The following TNFSF8 variants were observed in gnomAD, a reference collection of about 807,000 sequenced individuals.
The protein encoded by TNFSF8 is TNF superfamily member 8.
In TNFSF8, 4 loss-of-function variants were observed where a neutral mutation model predicts 22.0. The observed-to-expected ratio is 0.18, with a 90% CI of 0.09 to 0.42. The LOEUF (loss-of-function observed/expected upper bound fraction) is 0.42. Ranked by LOEUF, TNFSF8 falls within the 10% of genes least tolerant of loss-of-function variation. The pLI, the probability that TNFSF8 is intolerant of heterozygous loss-of-function variation, is 1.00. For synonymous variants in TNFSF8, 106 were observed against 112.5 expected (o/e 0.94, Z 0.37); for missense variants, 233 against 281.8 (o/e 0.83, Z 1.24).
intron 1 of TNFSF8, among the ~76,000 whole-genome samples, chr9:114,927,418 T>C (rs1828077141): frequency 6.6e-6 from 1 of 152,194 alleles, no homozygotes; most frequent in Admixed American, 6.5e-5. Context: ...TTTGTTGATT[T>C]CCCTACACTT....
At chr9:114,928,877 T>A (rs1277204974) in intron 1 of TNFSF8, among the ~76,000 whole-genome samples, 1 of 152,210 alleles carries the variant, frequency 6.6e-6, no homozygotes, top group East Asian at 1.9e-4. Context: ...TATCAAAGCC[T>A]TTTAAAGCCT....
intron 1 of TNFSF8, among the ~76,000 whole-genome samples, chr9:114,922,209 A>T (rs1325657194): frequency 6.6e-6 from 1 of 152,228 alleles, no homozygotes; most frequent in Non-Finnish European, 1.5e-5. Context: ...TTCTTTTCAC[A>T]GAGGAATGAT....
chr9:114,922,003 T>C (rs1363210639), intron 1 of TNFSF8, among the ~76,000 whole-genome samples: 1 of 152,234 alleles, frequency 6.6e-6, no homozygotes, highest in Non-Finnish European at 1.5e-5. Context: ...ATCCCAACCA[T>C]CTTCCTTGCC....
chr9:114,923,950 A>G (rs780323999), intron 1 of TNFSF8, among the ~76,000 whole-genome samples: 3 of 152,228 alleles, frequency 2.0e-5, no homozygotes, highest in Non-Finnish European at 4.4e-5. Flanking sequence ...CTGTGCTACA[A>G]TAAGACGTAT....
At chr9:114,915,847 T>C (rs532617749) in intron 2 of TNFSF8, among the ~76,000 whole-genome samples, 1 of 152,292 alleles carries the variant, frequency 6.6e-6, no homozygotes, top group South Asian at 2.1e-4. Context: ...CTGCAATGTC[T>C]TTTACACCAA....
In TNFSF8 at chr9:114,901,789, C is replaced by T. The variant is rs1587930306; in HGVS notation, c.*2142G>A. The T allele has an allele frequency of 2.0e-6, 2 of 981,864 alleles. No individual in the cohort carries two copies. Among genetic ancestry groups the T allele is most frequent in the South Asian group, 9.4e-5 (2 of 21,212 alleles). 60.8% of individuals were successfully genotyped at this position (981,864 alleles called of 1,614,324 possible). A position where few individuals can be genotyped will look rare whatever the true frequency, so the allele number is the denominator to read the frequency against. On this transcript the variant is annotated 3_prime_UTR_variant, in exon 4 of 4. Transcript: ENST00000223795. ...GAGTTAAAGAGAAATGTAGACTTTA[C>T]TAAATATTTCATAGAGGAGACCTAG...
At chr9:114,925,408 G>C (rs1172651647) in intron 1 of TNFSF8, among the ~76,000 whole-genome samples, 4 of 152,114 alleles carry the variant, frequency 2.6e-5, no homozygotes, top group Non-Finnish European at 5.9e-5. Flanking sequence ...TGGGCTGGGG[G>C]CTCAGATGTT....
At chr9:114,920,827 C>A (rs1043366996) in intron 1 of TNFSF8, among the ~76,000 whole-genome samples, 7 of 152,088 alleles carry the variant, frequency 4.6e-5, no homozygotes, top group African/African-American at 1.7e-4. Flanking sequence ...CACCACCACC[C>A]CCGGCTAATT....
intron 1 of TNFSF8, among the ~76,000 whole-genome samples, chr9:114,924,537 T>A (rs954506921): frequency 6.6e-6 from 1 of 152,302 alleles, no homozygotes; most frequent in Non-Finnish European, 1.5e-5. Flanking sequence ...CTTACTTTCA[T>A]ATCCTTATAT....
intron 1 of TNFSF8, among the ~76,000 whole-genome samples, chr9:114,923,522 C>CTTTCTTTCTTTCTTTCTTTCTTT (rs758823996): frequency 2.2e-5 from 2 of 89,768 alleles, no homozygotes; most frequent in African/African-American, 9.4e-5. Context: ...TTCTTTCTTT[C>CTTTCTTTCTTTCTTTCTTTCTTT]TTTTTTTTTT....
At chr9:114,924,757 C>T (rs894740438) in intron 1 of TNFSF8, among the ~76,000 whole-genome samples, 1 of 152,158 alleles carries the variant, frequency 6.6e-6, no homozygotes, top group Non-Finnish European at 1.5e-5. Flanking sequence ...ATGACTTCTC[C>T]TTTGCTCTGT....
chr9:114,917,944 G>T, intron 2 of TNFSF8, 152 bp downstream of exon 2: 1 of 587,992 alleles, frequency 1.7e-6, no homozygotes, highest in Non-Finnish European at 2.8e-6. Flanking sequence ...AGGTGCATCA[G>T]CTCAGTCCTG....
chr9:114,909,587 A>G (rs538285057), intron 2 of TNFSF8, among the ~76,000 whole-genome samples: 1 of 152,312 alleles, frequency 6.6e-6, no homozygotes, highest in South Asian at 2.1e-4. Flanking sequence ...TGTGGATTTG[A>G]TGATCTGTCT....
intron 2 of TNFSF8, among the ~76,000 whole-genome samples, chr9:114,912,562 G>GT (rs1564369725): frequency 1.3e-5 from 2 of 151,262 alleles, no homozygotes; most frequent in African/African-American, 4.8e-5. Context: ...GCTAATTTTT[G>GT]TATTTTTTTT....
At chr9:114,925,862 A>G (rs1326115815) in intron 1 of TNFSF8, among the ~76,000 whole-genome samples, 1 of 152,140 alleles carries the variant, frequency 6.6e-6, no homozygotes. Flanking sequence ...CAAAACAAAG[A>G]CGTCTCTAAG....
chr9:114,921,084 G>C (rs1016930792), intron 1 of TNFSF8, among the ~76,000 whole-genome samples: 1 of 152,162 alleles, frequency 6.6e-6, no homozygotes, highest in African/African-American at 2.4e-5. Flanking sequence ...ATTTATATGG[G>C]GGTCAAGGAA....
At chr9:114,928,247 A>G (rs983274481) in intron 1 of TNFSF8, among the ~76,000 whole-genome samples, 2 of 152,140 alleles carry the variant, frequency 1.3e-5, no homozygotes, top group African/African-American at 4.8e-5. Flanking sequence ...AGTGGGTGCA[A>G]TGTTTCTTAG....
chr9:114,903,762 T>G lies in TNFSF8; in HGVS notation c.*169A>C. The G allele has an allele frequency of 7.2e-7, 1 of 1,381,406 alleles. No homozygotes were observed. 85.6% of individuals were successfully genotyped at this position (1,381,406 alleles called of 1,614,324 possible). A position where few individuals can be genotyped will look rare whatever the true frequency, so the allele number is the denominator to read the frequency against. On this transcript the variant is annotated 3_prime_UTR_variant, in exon 4 of 4. Transcript: ENST00000223795. ...GAAAGATACTTCACTAAAAACTCTC[T>G]TTTTAACCCTGGAGCTGTATCTTTC...
intron 1 of TNFSF8, among the ~76,000 whole-genome samples, chr9:114,920,228 A>C (rs144653501): frequency 2.6e-5 from 4 of 152,244 alleles, no homozygotes. Flanking sequence ...GTGCAAATGC[A>C]CTAAGAAAAA....
Sources: allele counts gnomAD v4.1 joint callset (sites outside exome capture counted in the v4.1 genomes callset), GRCh38; gene constraint gnomAD v4.1.1; transcripts MANE v1.5; gene names NCBI Gene and HGNC (gene_info 2026-07-23, HGNC 2026-07-21).